Variants in HTR3B observed in about 807,000 individuals in gnomAD.
The protein encoded by HTR3B is 5-hydroxytryptamine receptor 3B.
In HTR3B, 44 loss-of-function variants were observed where a neutral mutation model predicts 42.8. The ratio of observed to expected loss-of-function variants is 1.03; its 90% CI spans 0.81 to 1.32. The LOEUF is 1.32. HTR3B is among the 40% of genes most tolerant of loss of function. HTR3B has a pLI of 0.00. For missense variants in HTR3B, 527 were observed against 536.5 expected, an observed-to-expected ratio of 0.98 and a Z score of 0.17; for synonymous variants, 203 against 209.0, an observed-to-expected ratio of 0.97 and a Z score of 0.25.
In HTR3B at chr11:113,945,650, A is replaced by G. The variant is rs1950170699; in HGVS notation, c.1091-252A>G. 2.6e-5 allele frequency among the ~76,000 whole-genome samples: 4 copies of G among 152,064 alleles called. No individual in the cohort carries two copies. In the South Asian group the frequency reaches 8.3e-4, roughly 32 times the overall value. ...ATTTGGGCTGACCTCTAACTCAGAA[A>G]CTCTCCTGGACGGATCTAGCACACA... On this transcript the variant is annotated intron_variant, in intron 8 of 8. Transcript: ENST00000260191.
intron 2 of HTR3B, among the ~76,000 whole-genome samples, chr11:113,916,947 T>C (rs746440451): frequency 2.0e-5 from 3 of 152,176 alleles, no homozygotes; most frequent in Non-Finnish European, 4.4e-5. Context: ...AGATTTTCTG[T>C]GTAGAAAATC....
At chr11:113,899,375 C>G in the HTR3B span, among the ~76,000 whole-genome samples, 1 of 152,184 alleles carries the variant, frequency 6.6e-6, no homozygotes, top group Non-Finnish European at 1.5e-5. Context: ...TCATATGGGA[C>G]TCTACTCATT....
chr11:113,927,849 G>A (rs560043137), intron 2 of HTR3B, among the ~76,000 whole-genome samples: 27 of 152,142 alleles, frequency 1.8e-4, no homozygotes, highest in African/African-American at 4.8e-4. Flanking sequence ...GTGAGCCACC[G>A]CACCCGGCCC....
chr11:113,914,328 G>A (rs1363848411), intron 2 of HTR3B, among the ~76,000 whole-genome samples: 1 of 151,392 alleles, frequency 6.6e-6, no homozygotes, highest in African/African-American at 2.4e-5. Context: ...GCCAGGTGTG[G>A]TGGTACATGC....
At chr11:113,915,269 T>C (rs974961477) in intron 2 of HTR3B, among the ~76,000 whole-genome samples, 7 of 152,224 alleles carry the variant, frequency 4.6e-5, no homozygotes, top group Non-Finnish European at 8.8e-5. Flanking sequence ...AGTGGCGTGA[T>C]CACGGCTTAC....
At chr11:113,901,281 A>G (rs1418053089), upstream of HTR3B, among the ~76,000 whole-genome samples, 2 of 152,052 alleles carry the variant, frequency 1.3e-5, no homozygotes, top group Non-Finnish European at 2.9e-5. Context: ...ATCTCTACTA[A>G]AAAGAGAAGA....
intron 2 of HTR3B, among the ~76,000 whole-genome samples, chr11:113,917,621 T>G (rs976931712): frequency 9.2e-5 from 14 of 151,574 alleles, no homozygotes; most frequent in Admixed American, 1.3e-4. Context: ...TCTTTGGGGG[T>G]TTTTTTTGAG....
At chr11:113,940,873 A>G (rs185665055) in intron 6 of HTR3B, among the ~76,000 whole-genome samples, 68 of 152,306 alleles carry the variant, frequency 4.5e-4, no homozygotes, top group Admixed American at 1.2e-3. Flanking sequence ...ATGGGGATGA[A>G]GGAGAAGAAC....
At chr11:113,902,593 G>A (rs139172234), upstream of HTR3B, among the ~76,000 whole-genome samples, 4 of 152,198 alleles carry the variant, frequency 2.6e-5, no homozygotes, top group Admixed American at 6.5e-5. Flanking sequence ...CACTGTGTGC[G>A]ATCTTCCCTC....
chr11:113,928,343 C>T (rs1949997171), intron 2 of HTR3B, among the ~76,000 whole-genome samples: 1 of 152,162 alleles, frequency 6.6e-6, no homozygotes, highest in South Asian at 2.1e-4. Context: ...AAAACTGAAA[C>T]TGTTTACCCA....
At chr11:113,908,130 T>A (rs1300139564) in intron 1 of HTR3B, among the ~76,000 whole-genome samples, 3 of 152,162 alleles carry the variant, frequency 2.0e-5, no homozygotes, top group Non-Finnish European at 4.4e-5. Context: ...GTAATGAAAG[T>A]GTATATTGCA....
intron 7 of HTR3B, among the ~76,000 whole-genome samples, chr11:113,944,022 C>CT (rs368033697): frequency 3.0e-3 from 406 of 133,988 alleles, no homozygotes; most frequent in South Asian, 6.1e-3. Flanking sequence ...GTCTCTCTCT[C>CT]TTTTTTTTTT....
At chr11:113,945,437 A>G (rs1950169305) in intron 8 of HTR3B, among the ~76,000 whole-genome samples, 1 of 152,120 alleles carries the variant, frequency 6.6e-6, no homozygotes, top group African/African-American at 2.4e-5. Flanking sequence ...CACCCAGCCT[A>G]TTTGTTTGTT....
intron 1 of HTR3B, among the ~76,000 whole-genome samples, chr11:113,905,206 C>T (rs570199475): frequency 2.6e-5 from 4 of 152,216 alleles, no homozygotes; most frequent in African/African-American, 9.6e-5. Flanking sequence ...GACTGTGGGG[C>T]TTTTTACACA....
chr11:113,937,395 C>T (rs1950100043), intron 6 of HTR3B, among the ~76,000 whole-genome samples: 1 of 152,178 alleles, frequency 6.6e-6, no homozygotes, highest in Non-Finnish European at 1.5e-5. Flanking sequence ...ATGTGCCAGG[C>T]TCCATGGTGA....
chr11:113,925,950 A>G (rs1343552589), intron 2 of HTR3B, among the ~76,000 whole-genome samples: 1 of 152,206 alleles, frequency 6.6e-6, no homozygotes, highest in Non-Finnish European at 1.5e-5. Flanking sequence ...TTATGCAACC[A>G]TCACCACTAT....
intron 2 of HTR3B, among the ~76,000 whole-genome samples, chr11:113,927,270 C>T (rs1949984666): frequency 6.6e-6 from 1 of 151,938 alleles, no homozygotes; most frequent in South Asian, 2.1e-4. Context: ...TTGTTTTGAC[C>T]ATTCTTTCCA....
At chr11:113,923,001 T>C (rs1949931786) in intron 2 of HTR3B, among the ~76,000 whole-genome samples, 4 of 152,240 alleles carry the variant, frequency 2.6e-5, no homozygotes, top group Admixed American at 2.6e-4. Context: ...TCCAAGATAT[T>C]GGATTGATAC....
At chr11:113,933,162 G>T in intron 6 of HTR3B, 69 bp downstream of exon 6, 1 of 1,480,260 alleles carries the variant, frequency 6.8e-7, no homozygotes, top group Non-Finnish European at 9.2e-7. Flanking sequence ...CTTGGGCCAA[G>T]GAATTTCTGC....
Sources: gnomAD v4.1 joint callset for allele counts (sites outside exome capture counted in the v4.1 genomes callset) on GRCh38, gnomAD v4.1.1 for gene constraint, MANE v1.5 for transcripts, NCBI Gene and HGNC (gene_info 2026-07-23, HGNC 2026-07-21) for gene names.